Variants in LRRC7 observed in about 807,000 individuals in gnomAD.
LRRC7 encodes leucine rich repeat containing 7.
LRRC7 carries 23 observed loss-of-function variants against 175.7 expected under a neutral mutation model. The ratio of observed to expected loss-of-function variants is 0.13; its 90% CI spans 0.09 to 0.19. LRRC7 has a LOEUF of 0.19. LRRC7 is among the 10% of genes least tolerant of loss of function. LRRC7 has a pLI of 1.00. For synonymous variants in LRRC7, 685 were observed against 680.9 expected (o/e 1.01, Z -0.09); for missense variants, 1,354 against 1,904.7 (o/e 0.71, Z 5.38).
In LRRC7 at chr1:69,680,602, C is replaced by A. The variant is rs1426081813; in HGVS notation, c.100+2124C>A. On this transcript the variant is annotated intron_variant, in intron 2 of 26. Transcript: ENST00000651989. ...TCTCTTGCATAGAGGTCTTTATTTT[C>A]CCCTGTTAGTACAATGAGCAATTCT... 4.9e-4 allele frequency among the ~76,000 whole-genome samples: 75 copies of A among 151,568 alleles called. 2 individuals are homozygous for A. The highest frequency in any genetic ancestry group is 4.9e-3 in the Admixed American group (75 of 15,180).
At chr1:69,891,890 C>T (rs773216232) in intron 7 of LRRC7, among the ~76,000 whole-genome samples, 6 of 152,038 alleles carry the variant, frequency 3.9e-5, no homozygotes, top group Non-Finnish European at 7.4e-5. Flanking sequence ...TGCCACAAAC[C>T]TTCAATGTGT....
rs1657449932 is a variant in LRRC7, at chr1:70,021,134, A to T, written c.1545+5A>T. On this transcript the variant is annotated splice_donor_5th_base_variant and intron_variant, in intron 16 of 26. Transcript: ENST00000651989. ...GAAAATGCTGGGAAAGTTAAGGTGA[A>T]CCTTTTAGCTTTTGTTTCCTCTTTC... The T allele has an allele frequency of 1.2e-6, 2 of 1,606,814 alleles. No homozygotes were observed. Among genetic ancestry groups the T allele is most frequent in the African/African-American group, 2.7e-5 (2 of 74,494 alleles).
intron 7 of LRRC7, among the ~76,000 whole-genome samples, chr1:69,849,308 T>A (rs1269350411): frequency 6.6e-6 from 1 of 152,036 alleles, no homozygotes. Context: ...TCAGTGGCAC[T>A]GTAGATAAAT....
At chr1:70,056,743 A>G (rs887064273) in intron 23 of LRRC7, among the ~76,000 whole-genome samples, 1 of 152,208 alleles carries the variant, frequency 6.6e-6, no homozygotes, top group Non-Finnish European at 1.5e-5. Flanking sequence ...AAACGGAGTT[A>G]TATGACTGGC....
intron 7 of LRRC7, among the ~76,000 whole-genome samples, chr1:69,909,744 G>A (rs1646460271): frequency 1.3e-5 from 2 of 151,822 alleles, no homozygotes; most frequent in Middle Eastern, 3.4e-3. Flanking sequence ...TGACAATTAT[G>A]TGTCTTGGAG....
chr1:69,635,661 T>A (rs1454735754), intron 1 of LRRC7, among the ~76,000 whole-genome samples: 1 of 152,082 alleles, frequency 6.6e-6, no homozygotes, highest in Non-Finnish European at 1.5e-5. Flanking sequence ...TTTTATGATG[T>A]CCGGATTTTA....
rs1388495983 is a variant in LRRC7 at position 70,036,523 on chromosome 1, G to A, written c.2187G>A (p.Ser729=). 6 of 1,613,908 alleles carry A rather than the reference G, an allele frequency of 3.7e-6. No homozygotes were observed. In the Admixed American group the frequency reaches 5.0e-5, roughly 13 times the overall value. Residue 729 remains serine (S), a synonymous_variant, in exon 20 of 27, where the codon TCG becomes TCA. Transcript: ENST00000651989. The stretch of plus-strand genomic sequence containing the variant: ...CCTCAGGCACTTACTCAGACTACTC[G>A]CCTTCCCAGGCTTCCTCAGGATCCT... ...SVSSGTYSDY[S]PSQASSGSSN... is the part of the protein sequence containing the mutation.
At chr1:70,103,277 C>T (rs1335163002) in intron 25 of LRRC7, among the ~76,000 whole-genome samples, 2 of 151,486 alleles carry the variant, frequency 1.3e-5, no homozygotes, top group Non-Finnish European at 1.5e-5. Flanking sequence ...GAATATGTTA[C>T]ATTACATGGC....
chr1:70,013,545 A>G (rs1275892843), intron 13 of LRRC7, among the ~76,000 whole-genome samples: 7 of 151,994 alleles, frequency 4.6e-5, no homozygotes, highest in African/African-American at 1.4e-4. Flanking sequence ...GCTCATTAGA[A>G]TACTGACAAC....
intron 1 of LRRC7, among the ~76,000 whole-genome samples, chr1:69,664,816 C>T (rs1658033382): frequency 6.6e-6 from 1 of 151,984 alleles, no homozygotes; most frequent in Non-Finnish European, 1.5e-5. Context: ...TGATGTGATC[C>T]TATTTGTCTG....
rs1666826624 is a variant in LRRC7 at position 70,135,404 on chromosome 1, T to C, written c.*13517T>C. On this transcript the variant is annotated 3_prime_UTR_variant, in exon 27 of 27. Transcript: ENST00000651989. ...CTGTCATGAGGTAAAGATGTAAAGATGTAAAAAGCTCTGCTTTTAGGTACA... is the reference window on the plus strand; with the variant it reads ...CTGTCATGAGGTAAAGATGTAAAGACGTAAAAAGCTCTGCTTTTAGGTACA... Among the ~76,000 whole-genome samples the C allele has an allele frequency of 1.3e-5, 2 of 152,200 alleles. No individual in the cohort carries two copies. Among genetic ancestry groups the C allele is most frequent in the South Asian group, 2.1e-4 (1 of 4,830 alleles).
At position 69,979,685 on chromosome 1, in the gene LRRC7, A is replaced by G. The variant is rs534231357; in HGVS notation, c.712-694A>G. 4.6e-5 allele frequency among the ~76,000 whole-genome samples: 7 copies of G among 152,178 alleles called. No individual in the cohort carries two copies. In the South Asian group the frequency reaches 8.3e-4, roughly 18 times the overall value. Reference sequence around the variant, plus strand: ...ACATTACATGTAGTAGGCATCCCCAACTATTCAACAAATAATTATTCATTG... The same window carrying G: ...ACATTACATGTAGTAGGCATCCCCAGCTATTCAACAAATAATTATTCATTG... On this transcript the variant is annotated intron_variant, in intron 8 of 26. Coordinates refer to ENST00000651989, the MANE Select transcript of LRRC7 (RefSeq NM_001370785.2).
intron 1 of LRRC7, among the ~76,000 whole-genome samples, chr1:69,597,983 C>G (rs888949434): frequency 6.6e-6 from 1 of 152,126 alleles, no homozygotes; most frequent in African/African-American, 2.4e-5. Flanking sequence ...AGAGAATATT[C>G]TAAGAGACTC....
At chr1:69,797,937 T>G (rs1350915086) in intron 4 of LRRC7, among the ~76,000 whole-genome samples, 1 of 152,116 alleles carries the variant, frequency 6.6e-6, no homozygotes, top group Non-Finnish European at 1.5e-5. Context: ...TTGTTTGTTT[T>G]TTGAGACGGA....
At chr1:69,882,583 A>G (rs551593966) in intron 7 of LRRC7, among the ~76,000 whole-genome samples, 2 of 152,084 alleles carry the variant, frequency 1.3e-5, no homozygotes, top group South Asian at 4.2e-4. Flanking sequence ...ATTTGTAACA[A>G]CATGGATGAA....
intron 8 of LRRC7, among the ~76,000 whole-genome samples, chr1:69,940,750 A>C (rs1648625285): frequency 6.6e-6 from 1 of 152,244 alleles, no homozygotes; most frequent in East Asian, 1.9e-4. Flanking sequence ...TAGGAGTTGT[A>C]AATCACCCCA....
chr1:69,568,665 T>C lies in LRRC7; in HGVS notation c.2+24T>C, dbSNP rs776599007. On this transcript the variant is annotated intron_variant, in intron 1 of 26. Coordinates refer to ENST00000651989, the MANE Select transcript of LRRC7 (RefSeq NM_001370785.2). ...ATGTGAGTAAGGCACGCTCGCTCCG[T>C]GGCGGAGGGTGCTGCGGGGGCCCGG... is the stretch of plus-strand genomic sequence containing the variant. 10 of 1,320,076 alleles carry C rather than the reference T, an allele frequency of 7.6e-6. No homozygotes were observed. In the South Asian group the frequency reaches 9.6e-5, roughly 13 times the overall value. 81.8% of individuals were successfully genotyped at this position (1,320,076 alleles called of 1,614,324 possible). A position where few individuals can be genotyped will look rare whatever the true frequency, so the allele number is the denominator to read the frequency against.
intron 1 of LRRC7, among the ~76,000 whole-genome samples, chr1:69,604,684 G>C (rs1281009708): frequency 6.7e-6 from 1 of 149,930 alleles, no homozygotes; most frequent in Admixed American, 6.7e-5. Flanking sequence ...TTTTTAAGTA[G>C]TTCTAAATAT....
At chr1:69,824,921 A>G (rs1309888509) in intron 4 of LRRC7, among the ~76,000 whole-genome samples, 1 of 152,190 alleles carries the variant, frequency 6.6e-6, no homozygotes, top group Non-Finnish European at 1.5e-5. Context: ...TAACTTTTGC[A>G]GGGCCTACTA....
Sources: gnomAD v4.1 joint callset for allele counts (sites outside exome capture counted in the v4.1 genomes callset) on GRCh38, gnomAD v4.1.1 for gene constraint, MANE v1.5 for transcripts, NCBI Gene and HGNC (gene_info 2026-07-23, HGNC 2026-07-21) for gene names.